The following GALNT7 variants were observed in gnomAD, a reference collection of about 807,000 sequenced individuals.
GALNT7 encodes polypeptide N-acetylgalactosaminyltransferase 7.
In GALNT7, 60 loss-of-function variants were observed where a neutral mutation model predicts 82.1. The ratio of observed to expected loss-of-function variants is 0.73; its 90% CI spans 0.59 to 0.91. GALNT7 has a LOEUF of 0.91. GALNT7 is among the 40% of genes least tolerant of loss of function. GALNT7 has a pLI of 0.00. For missense variants in GALNT7, 660 were observed against 804.2 expected (o/e 0.82, Z 2.17); for synonymous variants, 243 against 275.1 (o/e 0.88, Z 1.15).
At chr4:173,184,317 C>G (rs1009374204) in intron 1 of GALNT7, among the ~76,000 whole-genome samples, 1 of 152,118 alleles carries the variant, frequency 6.6e-6, no homozygotes, top group Non-Finnish European at 1.5e-5. Context: ...ACATTGAGCA[C>G]TGAGTGAGCG....
At chr4:173,222,368 G>A (rs1329399210) in intron 1 of GALNT7, among the ~76,000 whole-genome samples, 2 of 152,130 alleles carry the variant, frequency 1.3e-5, no homozygotes, top group African/African-American at 4.8e-5. Context: ...TACCTCTTGG[G>A]TTCTAGGATT....
intron 5 of GALNT7, among the ~76,000 whole-genome samples, chr4:173,296,974 C>T (rs1736738795): frequency 6.6e-6 from 1 of 152,112 alleles, no homozygotes; most frequent in South Asian, 2.1e-4. Flanking sequence ...TGAAAAGCAG[C>T]TTGACCTGGA....
chr4:173,306,537 A>G (rs766493707), intron 8 of GALNT7, among the ~76,000 whole-genome samples: 7 of 152,152 alleles, frequency 4.6e-5, no homozygotes, highest in Admixed American at 2.6e-4. Context: ...TTGAGGTACA[A>G]TCCTCATGTA....
At chr4:173,297,922 A>G in intron 5 of GALNT7, 193 bp from the exon 6 acceptor site, 1 of 1,497,308 alleles carries the variant, frequency 6.7e-7, no homozygotes, top group Non-Finnish European at 8.8e-7. Flanking sequence ...ATGGAAACGT[A>G]TTCCTCTAAG....
At chr4:173,169,806 C>T (rs2126610429) in intron 1 of GALNT7, among the ~76,000 whole-genome samples, 1 of 152,094 alleles carries the variant, frequency 6.6e-6, no homozygotes, top group Admixed American at 6.5e-5. Context: ...AGTTCCTCTT[C>T]CTTGGCTGCG....
intron 2 of GALNT7, among the ~76,000 whole-genome samples, chr4:173,275,190 T>C (rs1243580252): frequency 6.6e-6 from 1 of 152,214 alleles, no homozygotes; most frequent in Non-Finnish European, 1.5e-5. Context: ...TCTAAAACTG[T>C]ATTCGAACGT....
chr4:173,218,769 TA>T (rs966067482), intron 1 of GALNT7, among the ~76,000 whole-genome samples: 2 of 152,186 alleles, frequency 1.3e-5, no homozygotes, highest in African/African-American at 4.8e-5. Context: ...TGTATTCTTT[TA>T]AATTTTGTCA....
At chr4:173,258,230 C>A (rs1735116502) in intron 2 of GALNT7, among the ~76,000 whole-genome samples, 1 of 152,200 alleles carries the variant, frequency 6.6e-6, no homozygotes, top group South Asian at 2.1e-4. Context: ...GACCTCATAT[C>A]TTCTGTCATT....
chr4:173,176,992 G>A (rs1732067731), intron 1 of GALNT7, among the ~76,000 whole-genome samples: 1 of 152,214 alleles, frequency 6.6e-6, no homozygotes, highest in Admixed American at 6.5e-5. Flanking sequence ...AGAGATTATG[G>A]AAGTATAATA....
At chr4:173,235,915 C>T (rs1734210821) in intron 1 of GALNT7, among the ~76,000 whole-genome samples, 1 of 152,276 alleles carries the variant, frequency 6.6e-6, no homozygotes, top group Middle Eastern at 3.4e-3. Context: ...TCTTACAGCA[C>T]CATGTTTATA....
intron 2 of GALNT7, among the ~76,000 whole-genome samples, chr4:173,251,578 A>G (rs547027653): frequency 1.1e-4 from 17 of 152,234 alleles, no homozygotes; most frequent in Non-Finnish European, 1.5e-4. Context: ...ATTTCCTTTG[A>G]AAATTTCAGA....
intron 8 of GALNT7, among the ~76,000 whole-genome samples, chr4:173,307,198 G>T (rs1475863014): frequency 1.3e-5 from 2 of 152,216 alleles, no homozygotes; most frequent in Admixed American, 6.5e-5. Context: ...CCTTGGCACT[G>T]GTTCTGACTC....
chr4:173,197,194 C>G (rs972277771), intron 1 of GALNT7, among the ~76,000 whole-genome samples: 1 of 151,224 alleles, frequency 6.6e-6, no homozygotes, highest in Non-Finnish European at 1.5e-5. Flanking sequence ...CCTCAGACTT[C>G]CAGACTCATC....
At chr4:173,251,613 G>A (rs548518473) in intron 2 of GALNT7, among the ~76,000 whole-genome samples, 31 of 152,158 alleles carry the variant, frequency 2.0e-4, no homozygotes, top group Admixed American at 1.4e-3. Context: ...TGGGAACCTC[G>A]CATCTCTGAG....
intron 8 of GALNT7, among the ~76,000 whole-genome samples, chr4:173,311,394 T>C (rs1379188732): frequency 6.6e-6 from 1 of 152,216 alleles, no homozygotes; most frequent in East Asian, 1.9e-4. Context: ...AAAGATATAC[T>C]TGAGACTCGG....
chr4:173,239,743 C>T (rs1305342387), intron 1 of GALNT7, among the ~76,000 whole-genome samples: 1 of 152,098 alleles, frequency 6.6e-6, no homozygotes, highest in African/African-American at 2.4e-5. Context: ...ATGAAATCTC[C>T]CTTTTTCCAG....
At chr4:173,206,975 C>T (rs549479437) in intron 1 of GALNT7, among the ~76,000 whole-genome samples, 1 of 152,154 alleles carries the variant, frequency 6.6e-6, no homozygotes, top group South Asian at 2.1e-4. Context: ...GCTTTCTGTC[C>T]CTGTGGCCAT....
At chr4:173,237,016 A>G (rs1020891740) in intron 1 of GALNT7, among the ~76,000 whole-genome samples, 1 of 152,222 alleles carries the variant, frequency 6.6e-6, no homozygotes, top group Non-Finnish European at 1.5e-5. Flanking sequence ...TAAAATGTCA[A>G]AAAGTTTATT....
intron 1 of GALNT7, among the ~76,000 whole-genome samples, chr4:173,193,143 G>A (rs578097071): frequency 6.6e-6 from 1 of 152,328 alleles, no homozygotes; most frequent in South Asian, 2.1e-4. Context: ...CAGACAAAAA[G>A]GCTCGGCCTC....
Sources: allele counts gnomAD v4.1 joint callset (sites outside exome capture counted in the v4.1 genomes callset), GRCh38; gene constraint gnomAD v4.1.1; transcripts MANE v1.5; gene names NCBI Gene and HGNC (gene_info 2026-07-23, HGNC 2026-07-21).